Variants in XXYLT1 observed in about 807,000 individuals in gnomAD.
XXYLT1 encodes UDP-xylose:alpha-xyloside alpha-1,3-xylosyltransferase.
Under a neutral mutation model 28.9 loss-of-function variants are expected in XXYLT1, and 20 were observed. The ratio of observed to expected loss-of-function variants is 0.69; its 90% CI spans 0.49 to 1.00. XXYLT1 has a LOEUF of 1.00. XXYLT1 is among the 50% of genes least tolerant of loss of function. The pLI is 0.00. For synonymous variants in XXYLT1, 257 were observed against 253.8 expected, an observed-to-expected ratio of 1.01 and a Z score of -0.12; for missense variants, 542 against 560.1, an observed-to-expected ratio of 0.97 and a Z score of 0.33.
intron 3 of XXYLT1, among the ~76,000 whole-genome samples, chr3:195,140,939 G>A (rs1040220546): frequency 2.6e-5 from 4 of 152,060 alleles, no homozygotes; most frequent in African/African-American, 9.7e-5. Flanking sequence ...CATGAGGGTG[G>A]GGCTCTCATT....
In XXYLT1 at chr3:195,240,211, G is replaced by C. The variant is rs946664266; in HGVS notation, c.505-13355C>G. On this transcript the variant is annotated intron_variant, in intron 1 of 3. Coordinates refer to ENST00000310380, the MANE Select transcript of XXYLT1 (RefSeq NM_152531.5). This position sits in a 1 kb window ranked among gnomAD's most constrained non-coding sequence, Gnocchi z 4.7. ...AGGCTCAACTCTTTCGAAAGGGACA[G>C]TGTAGGGAGGAGGGGAAAGAGGTGA... Among the ~76,000 whole-genome samples the C allele has an allele frequency of 5.3e-5, 8 of 152,250 alleles. No homozygotes were observed. Among genetic ancestry groups the C allele is most frequent in the African/African-American group, 1.9e-4 (8 of 41,462 alleles).
At chr3:195,270,326 G>A (rs1725977093) in intron 1 of XXYLT1, 1 of 1,018,864 alleles carries the variant, frequency 9.8e-7, no homozygotes, top group Non-Finnish European at 1.3e-6. Flanking sequence ...GGAAAACGAG[G>A]CGGTCATTAA....
At chr3:195,216,721 T>C (rs1189092114) in intron 2 of XXYLT1, among the ~76,000 whole-genome samples, 5 of 150,750 alleles carry the variant, frequency 3.3e-5, no homozygotes, top group African/African-American at 9.8e-5. Context: ...ACAGCCGAAT[T>C]CTACCAGAGG....
chr3:195,162,987 G>A (rs1720947486), intron 2 of XXYLT1, among the ~76,000 whole-genome samples: 1 of 150,556 alleles, frequency 6.6e-6, no homozygotes, highest in Non-Finnish European at 1.5e-5. Context: ...TCTGCTATAA[G>A]TTTTTGGTTT....
intron 3 of XXYLT1, among the ~76,000 whole-genome samples, chr3:195,116,491 T>C (rs1276463100): frequency 6.6e-6 from 1 of 152,060 alleles, no homozygotes; most frequent in African/African-American, 2.4e-5. Flanking sequence ...TCCAAACTAT[T>C]TACAGGTGCA....
intron 2 of XXYLT1, among the ~76,000 whole-genome samples, chr3:195,169,268 G>A (rs925588449): frequency 5.3e-5 from 8 of 152,226 alleles, no homozygotes; most frequent in Non-Finnish European, 1.0e-4. Context: ...CACGGCAGCC[G>A]GGTCCAAGGG....
chr3:195,078,473 T>C lies in XXYLT1; in HGVS notation c.786-8362A>G, dbSNP rs1439909650. Among the ~76,000 whole-genome samples the C allele has an allele frequency of 6.6e-6, 1 of 151,964 alleles. No homozygotes were observed. Among genetic ancestry groups the C allele is most frequent in the East Asian group, 1.9e-4 (1 of 5,154 alleles). On this transcript the variant is annotated intron_variant, in intron 3 of 3. Transcript: ENST00000310380. The surrounding 1 kb of genome is among the most constrained non-coding windows in gnomAD (Gnocchi z 5.0). Reference sequence around the variant, plus strand: ...CAGGCCCACTGTGCCTCCTCCAGCCTCTCGTGCCCTGGCCCTCTGGGCACG... The same window carrying C: ...CAGGCCCACTGTGCCTCCTCCAGCCCCTCGTGCCCTGGCCCTCTGGGCACG...
intron 2 of XXYLT1, among the ~76,000 whole-genome samples, chr3:195,225,818 C>T (rs1396738216): frequency 2.6e-5 from 4 of 152,228 alleles, no homozygotes; most frequent in Non-Finnish European, 5.9e-5. Context: ...TGAGATCCAA[C>T]GGTTTTATAA....
chr3:195,110,319 TGAGG>T lies in XXYLT1; in HGVS notation c.786-40212_786-40209del, dbSNP rs1560100782. ...CGTGTGTGGTATATGTGTGTGTGGG[TGAGG>T]GTGAGGTGTGTGTATGTGTGTGGTG... On this transcript the variant is annotated intron_variant, in intron 3 of 3. Coordinates refer to ENST00000310380, the MANE Select transcript of XXYLT1 (RefSeq NM_152531.5). Among the ~76,000 whole-genome samples, 8 of 2,316 alleles carry T rather than the reference TGAGG, an allele frequency of 3.5e-3. 1 individual carries two copies. The highest frequency in any genetic ancestry group is 0.014 in the African/African-American group (7 of 500). The allele number at this position is 2,316 out of a possible 152,430, so 1.5% of individuals were successfully genotyped here.
chr3:195,165,660 G>A (rs1244347966), intron 2 of XXYLT1, among the ~76,000 whole-genome samples: 5 of 152,116 alleles, frequency 3.3e-5, no homozygotes, highest in Non-Finnish European at 5.9e-5. Context: ...CTAGCCAATG[G>A]TCAAATGGCT....
At chr3:195,233,594 C>T (rs1724395191) in intron 1 of XXYLT1, among the ~76,000 whole-genome samples, 1 of 152,136 alleles carries the variant, frequency 6.6e-6, no homozygotes, top group African/African-American at 2.4e-5. Context: ...CAAATTAACA[C>T]TGATTACATA....
At chr3:195,194,865 A>G (rs1182719226) in intron 2 of XXYLT1, among the ~76,000 whole-genome samples, 1 of 152,236 alleles carries the variant, frequency 6.6e-6, no homozygotes, top group Non-Finnish European at 1.5e-5. Context: ...GGGCAAATTT[A>G]GAGAACCAAA....
chr3:195,229,005 G>A (rs1724187066), intron 1 of XXYLT1, among the ~76,000 whole-genome samples: 1 of 151,778 alleles, frequency 6.6e-6, no homozygotes, highest in Admixed American at 6.6e-5. Context: ...TAGAGACAGG[G>A]TTTCACCATG....
chr3:195,128,454 T>C (rs1718745285), intron 3 of XXYLT1, among the ~76,000 whole-genome samples: 2 of 152,104 alleles, frequency 1.3e-5, no homozygotes, highest in Admixed American at 6.5e-5. Flanking sequence ...AAAATGAAAA[T>C]GAAACCAGAC....
At chr3:195,250,345 G>A (rs932643495) in intron 1 of XXYLT1, among the ~76,000 whole-genome samples, 2 of 152,140 alleles carry the variant, frequency 1.3e-5, no homozygotes, top group East Asian at 1.9e-4. Flanking sequence ...GATGGATCAC[G>A]TGAGGTCAGG....
chr3:195,263,753 A>G (rs1725761521), intron 1 of XXYLT1, among the ~76,000 whole-genome samples: 1 of 152,226 alleles, frequency 6.6e-6, no homozygotes, highest in South Asian at 2.1e-4. Flanking sequence ...GAAATGGAGC[A>G]ACCCAGTCTC....
chr3:195,244,281 G>A (rs561586321), intron 1 of XXYLT1, among the ~76,000 whole-genome samples: 10 of 152,308 alleles, frequency 6.6e-5, no homozygotes, highest in African/African-American at 1.7e-4. Context: ...ACAGGACGGC[G>A]TGTCTCCAGC....
chr3:195,110,234 T>TGA (rs1560100427), intron 3 of XXYLT1, among the ~76,000 whole-genome samples: 1 of 11,476 alleles, frequency 8.7e-5, no homozygotes, highest in African/African-American at 1.5e-4. Flanking sequence ...TATAAGTGTG[T>TGA]GGTGTGCGTG....
chr3:195,141,941 G>C (rs138668769), intron 3 of XXYLT1, among the ~76,000 whole-genome samples: 5 of 152,334 alleles, frequency 3.3e-5, no homozygotes, highest in South Asian at 4.1e-4. Context: ...TTTAGGCATT[G>C]TGAACCAAAG....
Sources: gnomAD v4.1 joint callset for allele counts (sites outside exome capture counted in the v4.1 genomes callset) on GRCh38, gnomAD v4.1.1 for gene constraint, Gnocchi (gnomAD v3.1) non-coding constraint, MANE v1.5 for transcripts, NCBI Gene and HGNC (gene_info 2026-07-23, HGNC 2026-07-21) for gene names.